The following POLD2 variants were observed in gnomAD, a reference collection of about 807,000 sequenced individuals.
The protein encoded by POLD2 is DNA polymerase delta subunit 2.
Under a neutral mutation model 48.8 loss-of-function variants are expected in POLD2, and 31 were observed. The ratio of observed to expected loss-of-function variants is 0.64; its 90% CI spans 0.48 to 0.86. The LOEUF is 0.86. POLD2 is among the 40% of genes least tolerant of loss of function. POLD2 has a pLI of 0.00. For synonymous variants in POLD2, 233 were observed against 256.3 expected, an observed-to-expected ratio of 0.91 and a Z score of 0.87; for missense variants, 455 against 610.1, an observed-to-expected ratio of 0.75 and a Z score of 2.68.
Position 44,116,021 on chromosome 7 carries a change from C to G in POLD2, c.1019+94G>C. The G allele has an allele frequency of 5.0e-6, 8 of 1,597,372 alleles. No individual in the cohort carries two copies. The highest frequency in any genetic ancestry group is 6.9e-6 in the Non-Finnish European group (8 of 1,167,352). ...ACAGATGCTAGGTGGGCCTCTGCAG[C>G]CCTGCCACCTTCCTGGGCCCTCCCT... On this transcript the variant is annotated intron_variant, in intron 8 of 10. Coordinates refer to ENST00000610533, the MANE Select transcript of POLD2 (RefSeq NM_006230.4). This position sits in a 1 kb window ranked among gnomAD's most constrained non-coding sequence, Gnocchi z 6.1.
chr7:44,114,712 A>C lies in POLD2; in HGVS notation c.*73T>G. 6.8e-7 allele frequency: 1 copy of C among 1,478,632 alleles called. No individual in the cohort carries two copies. Among genetic ancestry groups the C allele is most frequent in the Non-Finnish European group, 9.2e-7 (1 of 1,086,602 alleles). The allele number at this position is 1,478,632 out of a possible 1,614,324, so 91.6% of individuals were successfully genotyped here. ...TCGCATCAGCAAGTGCTCAGGCTTT[A>C]TTTACAATGCCGACACTGCAGGGAA... On this transcript the variant is annotated 3_prime_UTR_variant, in exon 11 of 11. Coordinates refer to ENST00000610533, the MANE Select transcript of POLD2 (RefSeq NM_006230.4).
rs2096242434 is a variant in POLD2 at position 44,117,729 on chromosome 7, G to A, written c.356C>T (p.Pro119Leu). The A allele has an allele frequency of 6.2e-7, 1 of 1,613,864 alleles. No individual in the cohort carries two copies. Among genetic ancestry groups the A allele is most frequent in the Non-Finnish European group, 8.5e-7 (1 of 1,179,900 alleles). Residue 119 changes from proline to leucine, a missense_variant, in exon 4 of 11, where the codon CCC becomes CTC. Transcript: ENST00000610533. ...TATGTATTTACTCCGAGGAGGCTGG[G>A]GGAGCAGGTTGTGCTGGAATGCAGA... ...REVSEEHNLL[P>L]QPPRSKYIHP...
At chr7:44,119,973 A>G (rs908245017) in intron 2 of POLD2, among the ~76,000 whole-genome samples, 2 of 152,218 alleles carry the variant, frequency 1.3e-5, no homozygotes, top group Non-Finnish European at 2.9e-5. Flanking sequence ...ATGGGAAGAC[A>G]AGGGAAAGAG....
chr7:44,115,679 C>A, intron 9 of POLD2, 87 bp downstream of exon 9: 1 of 1,461,852 alleles, frequency 6.8e-7, no homozygotes, highest in Non-Finnish European at 9.3e-7. Context: ...CTGGCAAGTG[C>A]AAACCCACAG....
rs760202912 is a variant in POLD2, at chr7:44,115,339, T to C, written c.1205A>G (p.Tyr402Cys). 8 of 1,614,062 alleles carry C rather than the reference T, an allele frequency of 5.0e-6. No individual in the cohort carries two copies. The highest frequency in any genetic ancestry group is 2.2e-5 in the East Asian group (1 of 44,866). Reference sequence around the variant, plus strand: ...AAAGCTGGGGGTGTTGCCACAAAAGTAGACATGCGGGCACTCTGGGAAGAT... The same window carrying C: ...AAAGCTGGGGGTGTTGCCACAAAAGCAGACATGCGGGCACTCTGGGAAGAT... ...PFIFPECPHV[Y>C]FCGNTPSFGS... is the part of the protein sequence containing the mutation. Residue 402 changes from tyrosine to cysteine, a missense_variant, in exon 10 of 11, where the codon TAC becomes TGC. Tyr to Cys is a radical substitution (Grantham distance 194). This residue lies in a region of POLD2 where 98 missense variants were observed against 138.6 expected (regional missense o/e 0.71). Transcript: ENST00000610533.
At chr7:44,123,655 T>A, upstream of POLD2, 1 of 1,381,654 alleles carries the variant, frequency 7.2e-7, no homozygotes, top group East Asian at 3.1e-5. Context: ...AGGCGCCTCA[T>A]CCCGCCGACC....
intron 8 of POLD2, 73 bp from the exon 9 acceptor site, chr7:44,115,966 G>T (rs182871966): frequency 6.2e-7 from 1 of 1,606,508 alleles, no homozygotes; most frequent in East Asian, 2.2e-5. Flanking sequence ...CTCATCTGGC[G>T]CTCTTGTGGG....
chr7:44,118,390 G>A (rs1029822640), intron 2 of POLD2: 7 of 218,006 alleles, frequency 3.2e-5, no homozygotes, highest in Non-Finnish European at 4.6e-5. Flanking sequence ...CCAGGGAGGA[G>A]GCCAGGAAGG....
chr7:44,119,762 CCAA>C (rs3217954), intron 2 of POLD2, among the ~76,000 whole-genome samples: 71 of 152,334 alleles, frequency 4.7e-4, no homozygotes, highest in Non-Finnish European at 8.1e-4. Context: ...GACATAAAAG[CCAA>C]CACTTGCCCC....
In POLD2 at chr7:44,116,554, A is replaced by G. The variant is rs1224739671; in HGVS notation, c.781-44T>C. On this transcript the variant is annotated intron_variant, in intron 6 of 10. Coordinates refer to ENST00000610533, the MANE Select transcript of POLD2 (RefSeq NM_006230.4). The surrounding 1 kb of genome is among the most constrained non-coding windows in gnomAD (Gnocchi z 6.1). ...AGGCCATCAGGCCCAGGCGAGTCCC[A>G]GGCTCAGAGGAGAGTAGAGCCCCAC... is the stretch of plus-strand genomic sequence containing the variant. 5 of 1,448,718 alleles carry G rather than the reference A, an allele frequency of 3.5e-6. No individual in the cohort carries two copies. The highest frequency in any genetic ancestry group is 2.0e-5 in the Admixed American group (1 of 50,902). 89.7% of individuals were successfully genotyped at this position (1,448,718 alleles called of 1,614,324 possible).
rs747482357 is a variant in POLD2, at chr7:44,115,922, G to A, written c.1020-29C>T. 4.8e-5 allele frequency: 78 copies of A among 1,613,992 alleles called. 3 individuals carry two copies. The Admixed American group carries it at 1.2e-3, about 26-fold the overall frequency. On this transcript the variant is annotated intron_variant, in intron 8 of 10. Transcript: ENST00000610533. ...CAAGGCAAAGCTCAGCTGACTCTTGGCTTTGGGTGCCACCCATAGTGGTCA... is the reference window on the plus strand; with the variant it reads ...CAAGGCAAAGCTCAGCTGACTCTTGACTTTGGGTGCCACCCATAGTGGTCA...
chr7:44,119,021 C>T (rs2096244828), intron 2 of POLD2, among the ~76,000 whole-genome samples: 1 of 150,638 alleles, frequency 6.6e-6, no homozygotes, highest in South Asian at 2.1e-4. Context: ...ACCCCCCACC[C>T]CCAACCCCCA....
intron 2 of POLD2, among the ~76,000 whole-genome samples, chr7:44,120,814 G>T (rs2096247224): frequency 6.6e-6 from 1 of 152,222 alleles, no homozygotes; most frequent in African/African-American, 2.4e-5. Context: ...ATGAGGAACT[G>T]TGAGTCAATT....
chr7:44,118,159 C>T, intron 2 of POLD2, 95 bp from the exon 3 acceptor site: 10 of 1,348,700 alleles, frequency 7.4e-6, no homozygotes, highest in Non-Finnish European at 9.7e-6. Flanking sequence ...AGAGGCCAAT[C>T]ACAGGGCCCT....
intron 1 of POLD2, chr7:44,122,454 C>T (rs759464458): frequency 5.4e-5 from 56 of 1,045,160 alleles, no homozygotes; most frequent in South Asian, 2.2e-4. Flanking sequence ...TCCAGCTCTC[C>T]GGCACCTGTC....
At position 44,117,520 on chromosome 7, in the gene POLD2, C is replaced by A. The variant is rs148296201; in HGVS notation, c.466+99G>T. The A allele has an allele frequency of 1.3e-4, 188 of 1,440,908 alleles. 1 individual carries two copies. The highest frequency in any genetic ancestry group is 4.6e-4 in the African/African-American group (33 of 71,114). The allele number at this position is 1,440,908 out of a possible 1,614,324, so 89.3% of individuals were successfully genotyped here. A position where few individuals can be genotyped will look rare whatever the true frequency, so the allele number is the denominator to read the frequency against. The stretch of plus-strand genomic sequence containing the variant: ...GAACACACGTGTGCCCAGGCCACAC[C>A]CCCCCACTCCCCCCAGGCTCCCCAC... On this transcript the variant is annotated intron_variant, in intron 4 of 10. Transcript: ENST00000610533.
chr7:44,116,977 C>T lies in POLD2; in HGVS notation c.620G>A (p.Gly207Asp), dbSNP rs1159906895. 3.1e-6 allele frequency: 5 copies of T among 1,613,394 alleles called. No individual in the cohort carries two copies. The African/African-American group carries it at 4.0e-5, about 13-fold the overall frequency. ...GGTGCCCAGCAGGCTCTCGCCTCCA[C>T]CGCCACCCAGGCCCAGGCCGGACAC... ...LLVSGLGLGG[G>D]GGESLLGTQL... Residue 207 changes from glycine (G) to aspartate (D), a missense_variant, in exon 6 of 11, where the codon GGT (glycine) becomes GAT (aspartate). Gly to Asp is a moderately conservative substitution (Grantham distance 94). Around this residue, in one of 3 missense-constraint regions of POLD2, gnomAD observed 349 missense variants for 437.4 expected, o/e 0.80. Transcript: ENST00000610533. The surrounding 1 kb of genome is among the most constrained non-coding windows in gnomAD (Gnocchi z 6.1).
At chr7:44,123,671 G>A (rs984921229), upstream of POLD2, 21 of 1,374,516 alleles carry the variant, frequency 1.5e-5, no homozygotes, top group Non-Finnish European at 1.9e-5. Flanking sequence ...CGACCACTGT[G>A]CGCCCAGTCC....
At chr7:44,122,434 T>C (rs1032968314) in intron 1 of POLD2, 2 of 1,073,112 alleles carry the variant, frequency 1.9e-6, no homozygotes. Context: ...GAATTCCCGA[T>C]CTGCCTCCAT....
Sources: gnomAD v4.1 joint callset for allele counts (sites outside exome capture counted in the v4.1 genomes callset) on GRCh38, gnomAD v4.1.1 for gene constraint, gnomAD v4.1.1 regional missense constraint, Gnocchi (gnomAD v3.1) non-coding constraint, MANE v1.5 for transcripts, NCBI Gene and HGNC (gene_info 2026-07-23, HGNC 2026-07-21) for gene names.